The following MINDY4 variants were observed in gnomAD, a reference collection of about 807,000 sequenced individuals.
MINDY4 encodes probable ubiquitin carboxyl-terminal hydrolase MINDY-4.
A neutral mutation model predicts 87.0 loss-of-function variants in MINDY4; 68 were observed. The observed-to-expected ratio is 0.78, with a 90% CI of 0.64 to 0.96. The LOEUF is 0.96. Ranked by LOEUF, MINDY4 falls within the 40% of genes least tolerant of loss-of-function variation. The probability of loss-of-function intolerance (pLI) is 0.00; values close to 1 mark genes in which losing one functional copy is unlikely to be tolerated. For synonymous variants in MINDY4, 379 were observed against 363.2 expected, an observed-to-expected ratio of 1.04 and a Z score of -0.50; for missense variants, 919 against 928.2, an observed-to-expected ratio of 0.99 and a Z score of 0.13.
chr7:30,815,086 C>T (rs1788108420), intron 5 of MINDY4, among the ~76,000 whole-genome samples: 1 of 152,214 alleles, frequency 6.6e-6, no homozygotes, highest in African/African-American at 2.4e-5. Flanking sequence ...TAAGGACAGT[C>T]ATGGGCAGGA....
chr7:30,822,388 C>T (rs1788362080), intron 5 of MINDY4, among the ~76,000 whole-genome samples: 1 of 152,034 alleles, frequency 6.6e-6, no homozygotes, highest in Admixed American at 6.5e-5. Flanking sequence ...CCAGGCTGGC[C>T]TCAAACTCCT....
chr7:30,875,125 GTC>G (rs1192159562), intron 14 of MINDY4, among the ~76,000 whole-genome samples: 1 of 152,180 alleles, frequency 6.6e-6, no homozygotes, highest in Non-Finnish European at 1.5e-5. Flanking sequence ...CCTGCATTGA[GTC>G]AATGTGCAGA....
chr7:30,843,647 G>C (rs1789110480), intron 9 of MINDY4, among the ~76,000 whole-genome samples: 3 of 142,432 alleles, frequency 2.1e-5, no homozygotes, highest in Non-Finnish European at 4.5e-5. Flanking sequence ...TCCACACCAG[G>C]GAGGGAAGCC....
chr7:30,838,515 CT>C (rs1241498709), intron 7 of MINDY4, among the ~76,000 whole-genome samples: 1 of 152,120 alleles, frequency 6.6e-6, no homozygotes, highest in African/African-American at 2.4e-5. Flanking sequence ...AGTGTGATCT[CT>C]GCTGCACCTA....
chr7:30,836,558 C>T (rs1788864124), intron 6 of MINDY4, 100 bp from the exon 7 acceptor site: 2 of 968,384 alleles, frequency 2.1e-6, no homozygotes, highest in Non-Finnish European at 3.2e-6. Flanking sequence ...TTCACTCAAA[C>T]CTTCTACAAA....
At position 30,828,611 on chromosome 7, in the gene MINDY4, C is replaced by T. The variant is rs367758201; in HGVS notation, c.1074-68C>T. The T allele has an allele frequency of 2.8e-5, 43 of 1,521,546 alleles. No homozygotes were observed. The African/African-American group carries it at 3.7e-4, about 13-fold the overall frequency. 94.3% of individuals were successfully genotyped at this position (1,521,546 alleles called of 1,614,324 possible). On this transcript the variant is annotated intron_variant, in intron 5 of 17. Transcript: ENST00000265299. ...CTGAATGCCTATCCATCGCTCTTAA[C>T]AGTCTTCTCTGCCGTTTACATTTCT...
At position 30,785,849 on chromosome 7, in the gene MINDY4, G is replaced by A. The variant is rs1562530135; in HGVS notation, c.520G>A (p.Val174Met). 1.9e-6 allele frequency: 3 copies of A among 1,614,232 alleles called. No individual in the cohort carries two copies. Among genetic ancestry groups the A allele is most frequent in the Admixed American group, 3.3e-5 (2 of 60,034 alleles). Residue 174 changes from valine (V) to methionine (M), a missense_variant, in exon 4 of 18, where the codon GTG becomes ATG. Coordinates refer to ENST00000265299, the MANE Select transcript of MINDY4 (RefSeq NM_032222.3). ...PMQTVPGETP[V>M]LTSAWEKIDK... Reference sequence around the variant, plus strand: ...GCAGACGGTCCCGGGTGAAACTCCTGTGTTGACTTCTGCATGGGAGAAGAT... The same window carrying A: ...GCAGACGGTCCCGGGTGAAACTCCTATGTTGACTTCTGCATGGGAGAAGAT...
intron 6 of MINDY4, among the ~76,000 whole-genome samples, 160 bp from the exon 7 acceptor site, chr7:30,836,498 G>A (rs1356768263): frequency 6.6e-6 from 1 of 152,236 alleles, no homozygotes; most frequent in Non-Finnish European, 1.5e-5. Context: ...TAAGGGTCTG[G>A]GAACTTCAGA....
chr7:30,814,361 A>T (rs1465022420), intron 5 of MINDY4, among the ~76,000 whole-genome samples: 2 of 152,210 alleles, frequency 1.3e-5, no homozygotes, highest in East Asian at 3.8e-4. Context: ...GTTGAGGTAG[A>T]CATAATCTTA....
At chr7:30,803,644 A>G (rs865886616) in intron 5 of MINDY4, among the ~76,000 whole-genome samples, 1 of 151,994 alleles carries the variant, frequency 6.6e-6, no homozygotes, top group African/African-American at 2.4e-5. Flanking sequence ...CTGTGCCTGG[A>G]ACATATTCAT....
intron 13 of MINDY4, among the ~76,000 whole-genome samples, chr7:30,861,747 GCT>G (rs1202117377): frequency 1.3e-5 from 2 of 152,218 alleles, no homozygotes; most frequent in African/African-American, 4.8e-5. Context: ...AGCTCAGATG[GCT>G]CTGTGTGTCT....
intron 2 of MINDY4, 65 bp from the exon 3 acceptor site, chr7:30,781,912 G>A (rs2128165962): frequency 8.9e-7 from 1 of 1,129,224 alleles, no homozygotes; most frequent in South Asian, 1.5e-5. Flanking sequence ...TGGAATAGTT[G>A]TCTTTTCCAC....
At chr7:30,812,329 C>G (rs1282753887) in intron 5 of MINDY4, among the ~76,000 whole-genome samples, 1 of 150,390 alleles carries the variant, frequency 6.6e-6, no homozygotes, top group African/African-American at 2.4e-5. Flanking sequence ...CAAATGTTAA[C>G]AATTTGTCAC....
At chr7:30,842,081 A>G (rs563526926) in intron 9 of MINDY4, among the ~76,000 whole-genome samples, 2 of 152,358 alleles carry the variant, frequency 1.3e-5, no homozygotes, top group East Asian at 3.9e-4. Context: ...GTTCAAGTGA[A>G]GGTGGCTTTT....
intron 5 of MINDY4, among the ~76,000 whole-genome samples, chr7:30,826,715 C>G (rs144973182): frequency 1.3e-3 from 200 of 152,254 alleles, no homozygotes; most frequent in African/African-American, 4.3e-3. Context: ...TGTGCTGCCA[C>G]GGGATAGGGT....
At chr7:30,854,886 C>T (rs746690586) in intron 12 of MINDY4, among the ~76,000 whole-genome samples, 5 of 152,248 alleles carry the variant, frequency 3.3e-5, no homozygotes, top group Admixed American at 6.5e-5. Flanking sequence ...CACCCCTCAG[C>T]CTGGGGAGAG....
At chr7:30,862,993 G>A (rs906939855) in intron 13 of MINDY4, among the ~76,000 whole-genome samples, 1 of 152,038 alleles carries the variant, frequency 6.6e-6, no homozygotes, top group East Asian at 1.9e-4. Context: ...GGCCCCTGCT[G>A]CCCCCCTCCC....
At chr7:30,819,892 ATTTTTTTT>A (rs60124746) in intron 5 of MINDY4, among the ~76,000 whole-genome samples, 5 of 96,658 alleles carry the variant, frequency 5.2e-5, no homozygotes, top group African/African-American at 1.5e-4. Flanking sequence ...CATATAGATA[ATTTTTTTT>A]TTTTTTTTTT....
chr7:30,827,135 A>G (rs1214661379), intron 5 of MINDY4, among the ~76,000 whole-genome samples: 12 of 152,136 alleles, frequency 7.9e-5, no homozygotes, highest in Non-Finnish European at 1.5e-4. Flanking sequence ...TGGGGGTTCA[A>G]GAGAGATGTT....
Sources: gnomAD v4.1 joint callset for allele counts (sites outside exome capture counted in the v4.1 genomes callset) on GRCh38, gnomAD v4.1.1 for gene constraint, MANE v1.5 for transcripts, NCBI Gene and HGNC (gene_info 2026-07-23, HGNC 2026-07-21) for gene names.